The following EPHA5 variants were observed in gnomAD, a reference collection of about 807,000 sequenced individuals.
EPHA5 encodes ephrin type-A receptor 5.
EPHA5 carries 60 observed loss-of-function variants against 105.0 expected under a neutral mutation model. The ratio of observed to expected loss-of-function variants is 0.57; its 90% CI spans 0.46 to 0.71. The LOEUF is 0.71. Among genes scored for constraint, EPHA5 ranks in the 30% least tolerant of loss-of-function variants. The probability of loss-of-function intolerance (pLI) is 0.00; values close to 1 mark genes in which losing one functional copy is unlikely to be tolerated. For missense variants in EPHA5, 1,218 were observed against 1,274.7 expected (o/e 0.96, Z 0.68); for synonymous variants, 513 against 449.1 (o/e 1.14, Z -1.80).
intron 2 of EPHA5, among the ~76,000 whole-genome samples, chr4:65,620,439 A>T (rs149095228): frequency 6.6e-6 from 1 of 152,170 alleles, no homozygotes; most frequent in East Asian, 1.9e-4. Flanking sequence ...GACATAGTAC[A>T]CTCAATTTAA....
At chr4:65,493,306 A>G (rs1407274539) in intron 4 of EPHA5, among the ~76,000 whole-genome samples, 4 of 152,202 alleles carry the variant, frequency 2.6e-5, no homozygotes, top group Non-Finnish European at 5.9e-5. Flanking sequence ...AAGCAGATTC[A>G]TCAGGATTTT....
chr4:65,645,791 T>C (rs958117801), intron 1 of EPHA5, among the ~76,000 whole-genome samples: 6 of 152,008 alleles, frequency 3.9e-5, no homozygotes, highest in African/African-American at 1.4e-4. Flanking sequence ...GGTCAAATAG[T>C]TTTATTCGTA....
At chr4:65,515,081 T>A (rs185151778) in intron 3 of EPHA5, among the ~76,000 whole-genome samples, 1 of 152,282 alleles carries the variant, frequency 6.6e-6, no homozygotes, top group East Asian at 1.9e-4. Flanking sequence ...GTGCCCTGAC[T>A]CTACCAACTT....
chr4:65,501,626 C>T (rs762303618), intron 3 of EPHA5, among the ~76,000 whole-genome samples: 1 of 151,680 alleles, frequency 6.6e-6, no homozygotes, highest in Admixed American at 6.6e-5. Context: ...AATGGAAAAA[C>T]ATTCCATACT....
At chr4:65,653,785 A>AT (rs1409384565) in intron 1 of EPHA5, among the ~76,000 whole-genome samples, 1 of 152,066 alleles carries the variant, frequency 6.6e-6, no homozygotes, top group African/African-American at 2.4e-5. Flanking sequence ...AAGTACTTTC[A>AT]TTTTTCTGTG....
chr4:65,322,736 C>G lies in EPHA5; in HGVS notation c.*1378G>C, dbSNP rs1398255054. The G allele has an allele frequency of 4.4e-6, 1 of 226,096 alleles. No individual in the cohort carries two copies. The highest frequency in any genetic ancestry group is 2.2e-5 in the African/African-American group (1 of 44,806). 14.0% of individuals were successfully genotyped at this position (226,096 alleles called of 1,614,324 possible). ...TCAAAGCCATGTAACTGAATACAAACTGAAATTAACAAATGAATAAACATC... is the reference window on the plus strand; with the variant it reads ...TCAAAGCCATGTAACTGAATACAAAGTGAAATTAACAAATGAATAAACATC... On this transcript the variant is annotated 3_prime_UTR_variant, in exon 17 of 17. Coordinates refer to ENST00000613740, the MANE Select transcript of EPHA5 (RefSeq NM_001281766.3).
At chr4:65,570,076 G>A (rs1253320390) in intron 3 of EPHA5, among the ~76,000 whole-genome samples, 1 of 151,584 alleles carries the variant, frequency 6.6e-6, no homozygotes, top group Non-Finnish European at 1.5e-5. Flanking sequence ...GATGAGAAAA[G>A]AAGCTAGATC....
At chr4:65,366,963 A>G (rs527777409) in intron 9 of EPHA5, among the ~76,000 whole-genome samples, 211 of 148,078 alleles carry the variant, frequency 1.4e-3, no homozygotes, top group African/African-American at 4.8e-3. Flanking sequence ...ACTAAAAGCT[A>G]GAAGAAAAAA....
At chr4:65,600,296 C>A (rs986138534) in intron 3 of EPHA5, among the ~76,000 whole-genome samples, 1 of 152,032 alleles carries the variant, frequency 6.6e-6, no homozygotes, top group African/African-American at 2.4e-5. Flanking sequence ...AGCTTTTAAG[C>A]ATTTTATAAA....
At chr4:65,421,780 T>A (rs914428136) in intron 5 of EPHA5, among the ~76,000 whole-genome samples, 1 of 152,146 alleles carries the variant, frequency 6.6e-6, no homozygotes, top group Non-Finnish European at 1.5e-5. Flanking sequence ...ATTTCTAAGA[T>A]GAGAAAATTG....
intron 3 of EPHA5, among the ~76,000 whole-genome samples, chr4:65,516,544 G>A (rs1462050029): frequency 6.6e-6 from 1 of 151,942 alleles, no homozygotes; most frequent in Non-Finnish European, 1.5e-5. Context: ...TCAACTCTGT[G>A]TGTGTGTGTG....
chr4:65,597,769 T>C lies in EPHA5; in HGVS notation c.910+3872A>G, dbSNP rs368095892. On this transcript the variant is annotated intron_variant, in intron 3 of 16. Coordinates refer to ENST00000613740, the MANE Select transcript of EPHA5 (RefSeq NM_001281766.3). ...TATGGGTGAGGTAGTCTATTTCTCT[T>C]AAAGAAAGTTAAATGAGAGGAAGTT... 1.3e-3 allele frequency among the ~76,000 whole-genome samples: 200 copies of C among 152,260 alleles called. 2 individuals carry two copies. The highest frequency in any genetic ancestry group is 4.5e-3 in the African/African-American group (186 of 41,570).
chr4:65,513,252 T>A (rs1402939115), intron 3 of EPHA5, among the ~76,000 whole-genome samples: 1 of 152,196 alleles, frequency 6.6e-6, no homozygotes, highest in South Asian at 2.1e-4. Flanking sequence ...ACACAGATAG[T>A]ATAATAGCAA....
At chr4:65,478,719 A>G (rs1350312417) in intron 5 of EPHA5, among the ~76,000 whole-genome samples, 2 of 152,110 alleles carry the variant, frequency 1.3e-5, no homozygotes, top group Non-Finnish European at 2.9e-5. Flanking sequence ...TGTTCTGCCC[A>G]CCGAGGCCTC....
intron 2 of EPHA5, among the ~76,000 whole-genome samples, chr4:65,625,084 G>A (rs1746015245): frequency 6.6e-6 from 1 of 152,114 alleles, no homozygotes; most frequent in South Asian, 2.1e-4. Context: ...CACTAATGAT[G>A]TTTAAGATTT....
At chr4:65,413,422 T>C (rs1381451204) in intron 7 of EPHA5, among the ~76,000 whole-genome samples, 1 of 152,106 alleles carries the variant, frequency 6.6e-6, no homozygotes, top group Non-Finnish European at 1.5e-5. Context: ...TATAATATAG[T>C]TTTATTCACA....
chr4:65,430,219 T>C (rs1201100205), intron 5 of EPHA5, among the ~76,000 whole-genome samples: 2 of 152,090 alleles, frequency 1.3e-5, no homozygotes, highest in African/African-American at 4.8e-5. Context: ...TGATAAAATA[T>C]ATAATTATAT....
intron 6 of EPHA5, among the ~76,000 whole-genome samples, chr4:65,418,742 G>A (rs1438000531): frequency 6.7e-6 from 1 of 148,882 alleles, no homozygotes; most frequent in Non-Finnish European, 1.5e-5. Context: ...CCTCCCCATT[G>A]TTTTATTCTT....
chr4:65,638,622 C>A (rs1030795597), intron 2 of EPHA5, among the ~76,000 whole-genome samples: 8 of 152,066 alleles, frequency 5.3e-5, no homozygotes, highest in Non-Finnish European at 1.0e-4. Context: ...GCCTGTAATC[C>A]CAGCTACTCG....
Sources: gnomAD v4.1 joint callset for allele counts (sites outside exome capture counted in the v4.1 genomes callset) on GRCh38, gnomAD v4.1.1 for gene constraint, MANE v1.5 for transcripts, NCBI Gene and HGNC (gene_info 2026-07-23, HGNC 2026-07-21) for gene names.